The following DENND2C variants were observed in gnomAD, a reference collection of about 807,000 sequenced individuals.
DENND2C encodes DENN domain-containing protein 2C.
In DENND2C, 72 loss-of-function variants were observed where a neutral mutation model predicts 112.4. The ratio of observed to expected loss-of-function variants is 0.64; its 90% CI spans 0.53 to 0.78. DENND2C has a LOEUF of 0.78. Ranked by LOEUF, DENND2C falls within the 30% of genes least tolerant of loss-of-function variation. The probability of loss-of-function intolerance (pLI) is 0.00; values close to 1 mark genes in which losing one functional copy is unlikely to be tolerated. For missense variants in DENND2C, 992 were observed against 1,113.8 expected (o/e 0.89, Z 1.56); for synonymous variants, 329 against 381.6 (o/e 0.86, Z 1.61).
At chr1:114,604,775 A>T in intron 11 of DENND2C, 147 bp downstream of exon 11, 1 of 608,946 alleles carries the variant, frequency 1.6e-6, no homozygotes, top group East Asian at 3.0e-5. Flanking sequence ...GAAATGTTCT[A>T]GTTCTGCTTC....
At chr1:114,651,518 C>T (rs984444435) in intron 2 of DENND2C, among the ~76,000 whole-genome samples, 2 of 152,040 alleles carry the variant, frequency 1.3e-5, no homozygotes, top group Non-Finnish European at 2.9e-5. Context: ...GTGGGCAGAT[C>T]ACCTGAGGTC....
rs1014463883 is a variant in DENND2C at position 114,620,651 on chromosome 1, G to C, written c.1227+1244C>G. Among the ~76,000 whole-genome samples the C allele has an allele frequency of 2.6e-5, 4 of 152,296 alleles. No individual in the cohort carries two copies. In the East Asian group the frequency reaches 5.8e-4, roughly 22 times the overall value. ...TGATCTACCAGAGGGCGCAGCTACTGCAAGATGCCTGGCAGTTCTTTAAGA... is the reference window on the plus strand; with the variant it reads ...TGATCTACCAGAGGGCGCAGCTACTCCAAGATGCCTGGCAGTTCTTTAAGA... On this transcript the variant is annotated intron_variant, in intron 7 of 20. Transcript: ENST00000393274.
chr1:114,653,561 T>C (rs764897321), intron 2 of DENND2C, among the ~76,000 whole-genome samples: 7 of 152,206 alleles, frequency 4.6e-5, no homozygotes, highest in Admixed American at 1.3e-4. Context: ...TTGTCAACAA[T>C]GGTACCAGTG....
chr1:114,603,831 C>A (rs2101650403), intron 11 of DENND2C, among the ~76,000 whole-genome samples: 1 of 152,274 alleles, frequency 6.6e-6, no homozygotes, highest in East Asian at 1.9e-4. Context: ...GCCACTGCAC[C>A]TGGCCTAAAT....
Position 114,599,347 on chromosome 1 carries a change from C to T in DENND2C, c.2210G>A (p.Cys737Tyr), listed in dbSNP as rs1655431623. The change falls in exon 16 of 21, where the codon TGC (cysteine) becomes TAC (tyrosine). Residue 737 changes from cysteine (C) to tyrosine (Y), a missense_variant. Cys to Tyr is a radical substitution (Grantham distance 194). Coordinates refer to ENST00000393274, the MANE Select transcript of DENND2C (RefSeq NM_001256404.2). The stretch of plus-strand genomic sequence containing the variant: ...TCCAATAAGGAATGGTGTAGGTGAG[C>T]ACACGATGTCAATCATAGATGCTGG... ...VLPASMIDIV[C>Y]SPTPFLIGIL... 1 of 1,613,942 alleles carries T rather than the reference C, an allele frequency of 6.2e-7. No individual in the cohort carries two copies. Among genetic ancestry groups the T allele is most frequent in the Admixed American group, 1.7e-5 (1 of 59,994 alleles).
rs540177328 is a variant in DENND2C at position 114,598,031 on chromosome 1, A to G, written c.2283+1243T>C. ...GGAACTCTCATACACTGTTGAAGGG[A>G]ATTTAAATTGGCACAACTACTTTGG... On this transcript the variant is annotated intron_variant, in intron 16 of 20. Transcript: ENST00000393274. 2.6e-5 allele frequency among the ~76,000 whole-genome samples: 4 copies of G among 152,306 alleles called. No homozygotes were observed. The East Asian group carries it at 7.7e-4, about 29-fold the overall frequency.
chr1:114,649,056 A>G (rs1657079933), intron 2 of DENND2C, among the ~76,000 whole-genome samples: 1 of 151,774 alleles, frequency 6.6e-6, no homozygotes, highest in African/African-American at 2.4e-5. Flanking sequence ...CCAGGTTCAA[A>G]TGATTCTCCT....
At chr1:114,663,677 C>A (rs1006006887) in intron 1 of DENND2C, among the ~76,000 whole-genome samples, 3 of 152,030 alleles carry the variant, frequency 2.0e-5, no homozygotes, top group Non-Finnish European at 4.4e-5. Context: ...GTGGTTTTTA[C>A]ATTTTTTAAT....
At chr1:114,637,246 G>GGGAC (rs1656681969) in intron 3 of DENND2C, among the ~76,000 whole-genome samples, 1 of 151,138 alleles carries the variant, frequency 6.6e-6, no homozygotes, top group African/African-American at 2.4e-5. Context: ...AGGAGTAGCT[G>GGGAC]TAGTCCCAGC....
chr1:114,647,498 G>C (rs1657026702), intron 2 of DENND2C, among the ~76,000 whole-genome samples: 2 of 151,916 alleles, frequency 1.3e-5, no homozygotes, highest in Admixed American at 1.3e-4. Context: ...TATTCTCCTG[G>C]TTTCTCAAGC....
intron 1 of DENND2C, 125 bp downstream of exon 1, chr1:114,669,858 C>G (rs1238260342): frequency 1.3e-5 from 2 of 152,200 alleles, no homozygotes; most frequent in Admixed American, 6.5e-5. Context: ...CGGCTCGCAC[C>G]GTCCGAGGAC....
intron 3 of DENND2C, among the ~76,000 whole-genome samples, chr1:114,636,237 T>C (rs1305980722): frequency 6.6e-6 from 1 of 152,016 alleles, no homozygotes; most frequent in Non-Finnish European, 1.5e-5. Context: ...ATTTCCACAA[T>C]CTGATAAAGT....
At chr1:114,640,383 G>T (rs754329329) in intron 3 of DENND2C, among the ~76,000 whole-genome samples, 3 of 152,214 alleles carry the variant, frequency 2.0e-5, no homozygotes, top group Non-Finnish European at 4.4e-5. Context: ...TGTCTAGACT[G>T]TTCTTGTTAC....
rs879404986 is a variant in DENND2C at position 114,647,359 on chromosome 1, A to AT, written c.-316-1801dup. Among the ~76,000 whole-genome samples the AT allele has an allele frequency of 2.3e-3, 330 of 142,834 alleles. 1 individual carries two copies. Among genetic ancestry groups the AT allele is most frequent in the African/African-American group, 4.8e-3 (189 of 39,352 alleles). 93.7% of individuals were successfully genotyped at this position (142,834 alleles called of 152,430 possible). On this transcript the variant is annotated intron_variant, in intron 2 of 20. Coordinates refer to ENST00000393274, the MANE Select transcript of DENND2C (RefSeq NM_001256404.2). ...GTGTATGTTTATGGAGTACAATGTG[A>AT]TTTTTTTTTTTTTTAGACAGAGTCT...
intron 3 of DENND2C, among the ~76,000 whole-genome samples, chr1:114,637,444 C>T (rs1656688899): frequency 6.6e-6 from 1 of 151,118 alleles, no homozygotes; most frequent in Non-Finnish European, 1.5e-5. Flanking sequence ...CTGAAAACCA[C>T]AAGCTAATGT....
At chr1:114,651,101 T>C (rs1040370855) in intron 2 of DENND2C, among the ~76,000 whole-genome samples, 1 of 151,654 alleles carries the variant, frequency 6.6e-6, no homozygotes, top group Non-Finnish European at 1.5e-5. Context: ...ACAGTGAGAC[T>C]CGAGACTCCA....
At chr1:114,601,716 A>G in intron 12 of DENND2C, 131 bp from the exon 13 acceptor site, 1 of 744,358 alleles carries the variant, frequency 1.3e-6, no homozygotes, top group Non-Finnish European at 2.2e-6. Context: ...TCTTTAGTGA[A>G]CACTGAAAGA....
chr1:114,628,319 C>CAA (rs760000537), intron 3 of DENND2C, among the ~76,000 whole-genome samples: 7 of 71,928 alleles, frequency 9.7e-5, no homozygotes, highest in Non-Finnish European at 1.1e-4. Flanking sequence ...GACCCCAACT[C>CAA]AAAAAAAAAA....
intron 1 of DENND2C, among the ~76,000 whole-genome samples, chr1:114,656,346 T>C (rs943718114): frequency 5.3e-5 from 8 of 152,096 alleles, no homozygotes; most frequent in Non-Finnish European, 1.0e-4. Flanking sequence ...AGTGCTGGGA[T>C]TACAGAAGAG....
Sources: gnomAD v4.1 joint callset for allele counts (sites outside exome capture counted in the v4.1 genomes callset) on GRCh38, gnomAD v4.1.1 for gene constraint, MANE v1.5 for transcripts, NCBI Gene and HGNC (gene_info 2026-07-23, HGNC 2026-07-21) for gene names.